Variants in ROBO2 observed in about 807,000 individuals in gnomAD.
The protein encoded by ROBO2 is roundabout homolog 2.
ROBO2 carries 53 observed loss-of-function variants against 160.8 expected under a neutral mutation model. The observed-to-expected ratio is 0.33, with a 90% CI of 0.26 to 0.41. The LOEUF is 0.41. Ranked by LOEUF, ROBO2 falls within the 10% of genes least tolerant of loss-of-function variation. ROBO2 has a pLI of 1.00. For synonymous variants in ROBO2, 664 were observed against 611.7 expected, an observed-to-expected ratio of 1.09 and a Z score of -1.26; for missense variants, 1,577 against 1,722.4, an observed-to-expected ratio of 0.92 and a Z score of 1.49.
intron 2 of ROBO2, among the ~76,000 whole-genome samples, chr3:77,343,590 A>T (rs916460103): frequency 3.9e-5 from 6 of 152,174 alleles, no homozygotes; most frequent in African/African-American, 1.4e-4. Flanking sequence ...GAATGTCCTG[A>T]CAACATTGTA....
chr3:77,488,564 A>AG (rs1420535453), intron 4 of ROBO2, among the ~76,000 whole-genome samples: 1 of 152,230 alleles, frequency 6.6e-6, no homozygotes, highest in African/African-American at 2.4e-5. Context: ...CTAATTGTCC[A>AG]AACTCTATGG....
intron 1 of ROBO2, among the ~76,000 whole-genome samples, chr3:77,078,119 A>G (rs2149896823): frequency 6.6e-6 from 1 of 152,248 alleles, no homozygotes. Flanking sequence ...ATATGTATAC[A>G]CCTCAATGCA....
chr3:76,611,955 TG>T (rs1217863738), intron 2 of ROBO2, among the ~76,000 whole-genome samples: 1 of 152,218 alleles, frequency 6.6e-6, no homozygotes. Flanking sequence ...TGGTATATTG[TG>T]TTTCCATTTT....
intron 2 of ROBO2, among the ~76,000 whole-genome samples, chr3:76,191,412 C>T (rs1039380520): frequency 6.6e-6 from 1 of 152,244 alleles, no homozygotes; most frequent in Non-Finnish European, 1.5e-5. Flanking sequence ...GGGAAGGATA[C>T]TCAGAGGTTA....
At chr3:77,097,822 T>C (rs979349760) in intron 1 of ROBO2, among the ~76,000 whole-genome samples, 192 bp from the exon 2 acceptor site, 1 of 152,140 alleles carries the variant, frequency 6.6e-6, no homozygotes, top group African/African-American at 2.4e-5. Context: ...AGTTAACATA[T>C]TAATTTATTG....
intron 2 of ROBO2, among the ~76,000 whole-genome samples, chr3:77,033,453 C>A (rs1457389963): frequency 4.6e-5 from 7 of 152,116 alleles, no homozygotes; most frequent in African/African-American, 1.7e-4. Context: ...TACCAGAACT[C>A]CTATAAATGT....
chr3:76,676,375 T>G (rs1282795467), intron 2 of ROBO2, among the ~76,000 whole-genome samples: 4 of 151,452 alleles, frequency 2.6e-5, no homozygotes, highest in African/African-American at 9.8e-5. Context: ...GATAGTAAGT[T>G]TTCTGAGGCC....
intron 2 of ROBO2, among the ~76,000 whole-genome samples, chr3:75,946,995 A>T (rs1024044386): frequency 1.3e-5 from 2 of 152,038 alleles, no homozygotes; most frequent in Non-Finnish European, 2.9e-5. Context: ...GGTTGGGATT[A>T]TGATTGTAGC....
chr3:75,911,383 G>A (rs1475092932), intron 1 of ROBO2, among the ~76,000 whole-genome samples: 1 of 152,026 alleles, frequency 6.6e-6, no homozygotes, highest in Non-Finnish European at 1.5e-5. Flanking sequence ...GTGTAAAATG[G>A]GGAGACTAAG....
At chr3:77,503,621 TAA>T (rs2087996224) in intron 5 of ROBO2, among the ~76,000 whole-genome samples, 1 of 151,846 alleles carries the variant, frequency 6.6e-6, no homozygotes, top group Non-Finnish European at 1.5e-5. Flanking sequence ...CAATAGGTAC[TAA>T]GAGTATGATT....
chr3:77,371,876 C>A (rs578017046), intron 2 of ROBO2, among the ~76,000 whole-genome samples: 2 of 152,142 alleles, frequency 1.3e-5, no homozygotes, highest in Admixed American at 1.3e-4. Context: ...TTGTGTAATG[C>A]GAAATCACTA....
At chr3:76,896,178 A>G (rs2074759028) in intron 2 of ROBO2, among the ~76,000 whole-genome samples, 1 of 152,222 alleles carries the variant, frequency 6.6e-6, no homozygotes, top group Non-Finnish European at 1.5e-5. Flanking sequence ...TACACATTAT[A>G]TAGACTATCA....
At chr3:76,509,417 T>A (rs2080963918) in intron 2 of ROBO2, among the ~76,000 whole-genome samples, 1 of 152,168 alleles carries the variant, frequency 6.6e-6, no homozygotes, top group Non-Finnish European at 1.5e-5. Flanking sequence ...AGCTTAGCCT[T>A]GATGATAACT....
intron 2 of ROBO2, among the ~76,000 whole-genome samples, chr3:77,133,006 G>A (rs1419566998): frequency 6.6e-6 from 1 of 152,074 alleles, no homozygotes; most frequent in Non-Finnish European, 1.5e-5. Flanking sequence ...CTGTATAAAT[G>A]CTCCATGTAC....
At chr3:76,288,532 G>A (rs764590416) in intron 2 of ROBO2, among the ~76,000 whole-genome samples, 1 of 151,586 alleles carries the variant, frequency 6.6e-6, no homozygotes, top group African/African-American at 2.4e-5. Context: ...ACATGTGCAG[G>A]CATGTTACAT....
At chr3:76,983,964 T>C (rs544702726) in intron 2 of ROBO2, among the ~76,000 whole-genome samples, 70 of 152,284 alleles carry the variant, frequency 4.6e-4, no homozygotes, top group South Asian at 2.3e-3. Flanking sequence ...TTAACAATCA[T>C]GGCAGAATGC....
At chr3:77,143,355 C>T (rs1055429973) in intron 2 of ROBO2, among the ~76,000 whole-genome samples, 4 of 151,658 alleles carry the variant, frequency 2.6e-5, no homozygotes, top group Non-Finnish European at 4.4e-5. Flanking sequence ...CCACCACACC[C>T]GGCTAATTTT....
intron 2 of ROBO2, among the ~76,000 whole-genome samples, chr3:77,350,478 G>T (rs1399203524): frequency 6.6e-6 from 1 of 152,144 alleles, no homozygotes; most frequent in East Asian, 1.9e-4. Flanking sequence ...TAACATTTCA[G>T]TGTGAAACAA....
At chr3:76,551,141 A>G (rs749640743) in intron 2 of ROBO2, among the ~76,000 whole-genome samples, 69 of 152,026 alleles carry the variant, frequency 4.5e-4, no homozygotes, top group Non-Finnish European at 9.3e-4. Flanking sequence ...CACAATCAGC[A>G]TGAACTTTCT....
Sources: allele counts gnomAD v4.1 joint callset (sites outside exome capture counted in the v4.1 genomes callset), GRCh38; gene constraint gnomAD v4.1.1; transcripts MANE v1.5; gene names NCBI Gene and HGNC (gene_info 2026-07-23, HGNC 2026-07-21).